The following LRSAM1 variants were observed in gnomAD, a reference collection of about 807,000 sequenced individuals.
LRSAM1 encodes the protein E3 ubiquitin-protein ligase LRSAM1.
Under a neutral mutation model 118.1 loss-of-function variants are expected in LRSAM1, and 96 were observed. That is an observed-to-expected ratio of 0.81 (90% CI 0.69 to 0.96). LRSAM1 has a LOEUF of 0.96. LRSAM1 is among the 40% of genes least tolerant of loss of function. LRSAM1 has a pLI of 0.00. For synonymous variants in LRSAM1, 322 were observed against 364.2 expected (o/e 0.88, Z 1.32); for missense variants, 804 against 915.5 (o/e 0.88, Z 1.57).
Position 127,503,150 on chromosome 9 carries a change from C to G in LRSAM1, c.*251C>G. On this transcript the variant is annotated 3_prime_UTR_variant, in exon 26 of 26. Coordinates refer to ENST00000300417, the MANE Select transcript of LRSAM1 (RefSeq NM_001005373.4). ...GCTGGAGAGGCCGCTGCACCACCACCCGAGCCTGGGAGCCAGCGTCCCAGC... is the reference window on the plus strand; with the variant it reads ...GCTGGAGAGGCCGCTGCACCACCACGCGAGCCTGGGAGCCAGCGTCCCAGC... The G allele has an allele frequency of 1.8e-6, 1 of 547,238 alleles. No homozygotes were observed. Among genetic ancestry groups the G allele is most frequent in the African/African-American group, 1.9e-5 (1 of 52,636 alleles). The allele number at this position is 547,238 out of a possible 1,614,324, so 33.9% of individuals were successfully genotyped here.
At position 127,465,860 on chromosome 9, in the gene LRSAM1, C is replaced by A. The variant is rs111740531; in HGVS notation, c.529-1880C>A. Among the ~76,000 whole-genome samples the A allele has an allele frequency of 6.6e-6, 1 of 152,146 alleles. No individual in the cohort carries two copies. Among genetic ancestry groups the A allele is most frequent in the African/African-American group, 2.4e-5 (1 of 41,430 alleles). On this transcript the variant is annotated intron_variant, in intron 9 of 25. Coordinates refer to ENST00000300417, the MANE Select transcript of LRSAM1 (RefSeq NM_001005373.4). The surrounding 1 kb of genome is among the most constrained non-coding windows in gnomAD (Gnocchi z 4.1). ...GGGCAGGGTCCAACACAACTCACAC[C>A]GTGGATGGGGCAGTTCTGTGGCTGT...
chr9:127,481,342 G>A (rs545818806), intron 15 of LRSAM1, 115 bp downstream of exon 15: 26 of 1,095,968 alleles, frequency 2.4e-5, no homozygotes, highest in South Asian at 9.2e-5. Flanking sequence ...AACCCCCGCC[G>A]CCCAGGTCCA....
intron 21 of LRSAM1, among the ~76,000 whole-genome samples, chr9:127,494,375 G>A (rs1462281945): frequency 6.6e-6 from 1 of 152,258 alleles, no homozygotes; most frequent in Admixed American, 6.5e-5. Flanking sequence ...TCTGGAGCAA[G>A]ACAGGCCTGG....
intron 6 of LRSAM1, 100 bp from the exon 7 acceptor site, chr9:127,458,903 C>T: frequency 7.3e-6 from 8 of 1,101,900 alleles, no homozygotes; most frequent in Non-Finnish European, 4.1e-6. Context: ...TGTTTCTGCA[C>T]TGGGGGTGTG....
Position 127,482,972 on chromosome 9 carries a change from T to A in LRSAM1, c.1111T>A (p.Ser371Thr). 2 of 1,568,024 alleles carry A rather than the reference T, an allele frequency of 1.3e-6. No homozygotes were observed. Among genetic ancestry groups the A allele is most frequent in the African/African-American group, 2.7e-5 (2 of 73,992 alleles). Residue 371 changes from serine (S) to threonine (T), a missense_variant, in exon 16 of 26, where the codon TCC becomes ACC. Transcript: ENST00000300417. ...NERIRMEQLM[S>T]ITQEETESLR... ...TAGAATAAGAATGGAACAGTTGATG[T>A]CCATAACCCAGGAGGAGACTGAGAG...
Position 127,466,934 on chromosome 9 carries a change from G to T in LRSAM1, c.529-806G>T, listed in dbSNP as rs1157412650. On this transcript the variant is annotated intron_variant, in intron 9 of 25. Transcript: ENST00000300417. ...GGGAGGATTGCTTAAACCTGGGGAGGTCGAGACTGCAGTGTTCGTGCCACT... is the reference window on the plus strand; with the variant it reads ...GGGAGGATTGCTTAAACCTGGGGAGTTCGAGACTGCAGTGTTCGTGCCACT... 5.9e-5 allele frequency among the ~76,000 whole-genome samples: 9 copies of T among 152,160 alleles called. No individual in the cohort carries two copies. In the East Asian group the frequency reaches 1.7e-3, roughly 29 times the overall value.
rs886063453 is a variant in LRSAM1, at chr9:127,451,808, A to G, written c.-188-121A>G. 3 of 159,426 alleles carry G rather than the reference A, an allele frequency of 1.9e-5. No homozygotes were observed. The East Asian group carries it at 5.5e-4, about 29-fold the overall frequency. 9.9% of individuals were successfully genotyped at this position (159,426 alleles called of 1,614,324 possible). A position where few individuals can be genotyped will look rare whatever the true frequency, so the allele number is the denominator to read the frequency against. ...ACTTGTTGTGTGCACTTTAGTTATCAAAACAGTCTATGTGGAAATCCAGTC... is the reference window on the plus strand; with the variant it reads ...ACTTGTTGTGTGCACTTTAGTTATCGAAACAGTCTATGTGGAAATCCAGTC... On this transcript the variant is annotated intron_variant, in intron 1 of 25. Transcript: ENST00000300417.
chr9:127,475,912 G>A (rs10987661), intron 11 of LRSAM1, among the ~76,000 whole-genome samples: 15,617 of 151,728 alleles, frequency 0.1, 1,009 homozygotes, highest in East Asian at 0.27. Context: ...GGCTAATTTT[G>A]TATTTTTAGT....
intron 16 of LRSAM1, among the ~76,000 whole-genome samples, chr9:127,485,264 A>G (rs1251912748): frequency 1.3e-5 from 2 of 152,140 alleles, no homozygotes; most frequent in Non-Finnish European, 2.9e-5. Context: ...TTGCTTTTAT[A>G]GTTAAAAAGA....
At chr9:127,498,959 A>G (rs988563282) in intron 24 of LRSAM1, among the ~76,000 whole-genome samples, 3 of 151,990 alleles carry the variant, frequency 2.0e-5, no homozygotes, top group Admixed American at 1.3e-4. Flanking sequence ...CAGGAGGCTG[A>G]GGCAGCAGAA....
At chr9:127,472,405 A>G (rs1835206625) in intron 10 of LRSAM1, among the ~76,000 whole-genome samples, 1 of 152,054 alleles carries the variant, frequency 6.6e-6, no homozygotes, top group South Asian at 2.1e-4. Context: ...ACTTTGGGAG[A>G]CCAAGGCTGG....
At chr9:127,483,640 CTT>C (rs1385959847) in intron 16 of LRSAM1, among the ~76,000 whole-genome samples, 1 of 151,966 alleles carries the variant, frequency 6.6e-6, no homozygotes, top group Non-Finnish European at 1.5e-5. Flanking sequence ...ATCATGTAAA[CTT>C]TACCATCTTA....
intron 2 of LRSAM1, 192 bp downstream of exon 2, chr9:127,452,276 G>A (rs1244741030): frequency 1.3e-5 from 2 of 152,430 alleles, no homozygotes; most frequent in Non-Finnish European, 2.9e-5. Flanking sequence ...GGTGCAAGAG[G>A]GTTAGTGATT....
intron 20 of LRSAM1, among the ~76,000 whole-genome samples, chr9:127,491,771 G>A (rs1444692653): frequency 1.3e-5 from 2 of 152,312 alleles, no homozygotes; most frequent in Non-Finnish European, 2.9e-5. Context: ...GGAGTCCTGC[G>A]CACACAGATG....
chr9:127,468,385 T>C (rs1034815451), intron 10 of LRSAM1, among the ~76,000 whole-genome samples: 1 of 151,928 alleles, frequency 6.6e-6, no homozygotes, highest in African/African-American at 2.4e-5. Flanking sequence ...CCAGGAGAGA[T>C]GCACAGCAGA....
chr9:127,479,251 G>A lies in LRSAM1; in HGVS notation c.781-132G>A, dbSNP rs868331350. On this transcript the variant is annotated intron_variant, in intron 12 of 25. Coordinates refer to ENST00000300417, the MANE Select transcript of LRSAM1 (RefSeq NM_001005373.4). ...TGTTTTCTTACAGTTGGGCCCTGGA[G>A]GGGAGTGGGGGTTGCTCAGCATGAA... 2.0e-5 allele frequency: 27 copies of A among 1,327,178 alleles called. No individual in the cohort carries two copies. In the South Asian group the frequency reaches 2.3e-4, roughly 11 times the overall value. 82.2% of individuals were successfully genotyped at this position (1,327,178 alleles called of 1,614,324 possible).
intron 16 of LRSAM1, among the ~76,000 whole-genome samples, chr9:127,485,353 C>T (rs1441112476): frequency 1.3e-5 from 2 of 151,894 alleles, no homozygotes; most frequent in Non-Finnish European, 2.9e-5. Flanking sequence ...GTCAAGAGAT[C>T]GAGACCATCC....
Position 127,454,549 on chromosome 9 carries a change from C to T in LRSAM1, c.22C>T (p.Arg8Trp), listed in dbSNP as rs752596738. ...AAGGATGCCGCTCTTCTTCCGGAAG[C>T]GGAAACCCAGTGAGGAGGCTCGGAA... MPLFFRK[R>W]KPSEEARKRL... Residue 8 changes from arginine to tryptophan, a missense_variant, in exon 3 of 26, where the codon CGG becomes TGG. Arg to Trp is a moderately radical substitution (Grantham distance 101). Coordinates refer to ENST00000300417, the MANE Select transcript of LRSAM1 (RefSeq NM_001005373.4). The T allele has an allele frequency of 7.4e-6, 12 of 1,614,044 alleles. No individual in the cohort carries two copies. Among genetic ancestry groups the T allele is most frequent in the African/African-American group, 2.7e-5 (2 of 74,916 alleles).
intron 9 of LRSAM1, among the ~76,000 whole-genome samples, chr9:127,463,845 C>T (rs146699997): frequency 6.6e-6 from 1 of 152,308 alleles, no homozygotes; most frequent in Non-Finnish European, 1.5e-5. Flanking sequence ...AACCTGGAAT[C>T]GCTCCGTGTA....
Sources: gnomAD v4.1 joint callset for allele counts (sites outside exome capture counted in the v4.1 genomes callset) on GRCh38, gnomAD v4.1.1 for gene constraint, Gnocchi (gnomAD v3.1) non-coding constraint, MANE v1.5 for transcripts, NCBI Gene and HGNC (gene_info 2026-07-23, HGNC 2026-07-21) for gene names.